The following SYN3 variants were observed in gnomAD, a reference collection of about 807,000 sequenced individuals.
SYN3 encodes synapsin-3.
A neutral mutation model predicts 65.8 loss-of-function variants in SYN3; 35 were observed. The observed-to-expected ratio is 0.53, with a 90% confidence interval of 0.41 to 0.70. The LOEUF (loss-of-function observed/expected upper bound fraction) is 0.70, where lower values mean the gene tolerates loss of function less well. SYN3 is among the 30% of genes least tolerant of loss of function. The pLI is 0.00. For synonymous variants in SYN3, 270 were observed against 292.9 expected (o/e 0.92, Z 0.80); for missense variants, 680 against 749.0 (o/e 0.91, Z 1.08).
intron 6 of SYN3, among the ~76,000 whole-genome samples, chr22:32,714,324 C>A (rs574264722): frequency 6.6e-6 from 1 of 152,308 alleles, no homozygotes; most frequent in African/African-American, 2.4e-5. Flanking sequence ...CTCTGTGGAC[C>A]TCAGTTTCCC....
rs1275139823 is a variant in SYN3, at chr22:32,710,476, CA to C, written c.712-113741del. Reference sequence around the variant, plus strand: ...TGAAACCCTGACTCTACTAAAAATACAAAAAAAGTAGCCAGGCGTGGTGGCA... The same window carrying C: ...TGAAACCCTGACTCTACTAAAAATACAAAAAAGTAGCCAGGCGTGGTGGCA... On this transcript the variant is annotated intron_variant, in intron 6 of 13. Coordinates refer to ENST00000358763, the MANE Select transcript of SYN3 (RefSeq NM_003490.4). 2.0e-5 allele frequency among the ~76,000 whole-genome samples: 3 copies of C among 151,174 alleles called. No homozygotes were observed. In the East Asian group the frequency reaches 5.9e-4, roughly 30 times the overall value.
intron 6 of SYN3, among the ~76,000 whole-genome samples, chr22:32,662,937 A>G (rs552931673): frequency 3.3e-5 from 5 of 152,314 alleles, no homozygotes; most frequent in African/African-American, 1.2e-4. Context: ...AAAAGCAAAC[A>G]ACCAACCAAG....
At chr22:32,959,862 T>C (rs978570191) in intron 3 of SYN3, among the ~76,000 whole-genome samples, 1 of 152,240 alleles carries the variant, frequency 6.6e-6, no homozygotes, top group Admixed American at 6.5e-5. Context: ...TCCAAAGTGC[T>C]GGGATTACAG....
At chr22:32,973,286 A>G (rs2052077728) in intron 3 of SYN3, among the ~76,000 whole-genome samples, 1 of 152,232 alleles carries the variant, frequency 6.6e-6, no homozygotes, top group African/African-American at 2.4e-5. Context: ...AAGGTGCCCA[A>G]GAAACTAGTG....
intron 4 of SYN3, among the ~76,000 whole-genome samples, chr22:32,896,349 G>T (rs1382390348): frequency 6.6e-6 from 1 of 152,122 alleles, no homozygotes; most frequent in Non-Finnish European, 1.5e-5. Context: ...CCAGCTACTC[G>T]GGAGGCTGAG....
intron 7 of SYN3, among the ~76,000 whole-genome samples, chr22:32,587,860 A>C (rs966135010): frequency 6.6e-6 from 1 of 152,152 alleles, no homozygotes; most frequent in Admixed American, 6.5e-5. Flanking sequence ...TTAGAAGGAC[A>C]ACAAACCCTG....
At chr22:32,648,710 A>T (rs1256324399) in intron 6 of SYN3, among the ~76,000 whole-genome samples, 1 of 152,170 alleles carries the variant, frequency 6.6e-6, no homozygotes, top group African/African-American at 2.4e-5. Flanking sequence ...GGAACGTACT[A>T]CCTCTTGAGG....
intron 3 of SYN3, among the ~76,000 whole-genome samples, chr22:32,970,083 C>T (rs1035635162): frequency 1.3e-5 from 2 of 152,140 alleles, no homozygotes; most frequent in Non-Finnish European, 2.9e-5. Flanking sequence ...TGTTTAGTGA[C>T]GTGAAGCTGA....
chr22:32,712,975 T>C (rs1472435450), intron 6 of SYN3, among the ~76,000 whole-genome samples: 1 of 152,222 alleles, frequency 6.6e-6, no homozygotes, highest in African/African-American at 2.4e-5. Flanking sequence ...ATTCATTTGC[T>C]TTTAGATTAT....
At chr22:32,889,579 T>C (rs1199385151) in intron 4 of SYN3, among the ~76,000 whole-genome samples, 1 of 152,196 alleles carries the variant, frequency 6.6e-6, no homozygotes, top group Non-Finnish European at 1.5e-5. Context: ...CGTCAATGTG[T>C]TCCCTCTCAT....
Position 32,508,927 on chromosome 22 carries a change from G to T in SYN3, c.*4765C>A, listed in dbSNP as rs3213514. The stretch of plus-strand genomic sequence containing the variant: ...TTTTATGGGGTTTGCTGCTGTGTTT[G>T]TTACCATGTGAGTGAAGACCTATCA... On this transcript the variant is annotated 3_prime_UTR_variant, in exon 14 of 14. Coordinates refer to ENST00000358763, the MANE Select transcript of SYN3 (RefSeq NM_003490.4). Among the ~76,000 whole-genome samples, 855 of 152,248 alleles carry T rather than the reference G, an allele frequency of 5.6e-3. 19 individuals are homozygous for T. In the East Asian group the frequency reaches 0.068, roughly 12 times the overall value.
At chr22:32,977,551 C>A (rs1601826779) in intron 3 of SYN3, among the ~76,000 whole-genome samples, 3 of 152,126 alleles carry the variant, frequency 2.0e-5, no homozygotes, top group South Asian at 4.2e-4. Context: ...CGAGACCATC[C>A]TGGACAACAT....
intron 4 of SYN3, among the ~76,000 whole-genome samples, chr22:32,872,815 C>T (rs961454856): frequency 2.0e-5 from 3 of 152,204 alleles, no homozygotes; most frequent in Middle Eastern, 3.4e-3. Context: ...CAGTAGTTAC[C>T]GAGCCTCGAC....
chr22:32,912,868 C>T (rs73158385), intron 4 of SYN3, among the ~76,000 whole-genome samples: 24,811 of 152,072 alleles, frequency 0.16, 2,588 homozygotes, highest in Non-Finnish European at 0.23. Flanking sequence ...AGGTGGAATG[C>T]GGGATGTTTA....
intron 5 of SYN3, among the ~76,000 whole-genome samples, chr22:32,867,575 C>G (rs1216261340): frequency 6.6e-6 from 1 of 152,100 alleles, no homozygotes; most frequent in Non-Finnish European, 1.5e-5. Context: ...AGTACTTGAG[C>G]GAGTGGAGGA....
intron 1 of SYN3, among the ~76,000 whole-genome samples, chr22:33,008,924 C>CAAAAAAA (rs201719238): frequency 9.8e-4 from 56 of 57,066 alleles, no homozygotes; most frequent in East Asian, 1.5e-3. Flanking sequence ...GACTTTATCT[C>CAAAAAAA]AAAAAAAAAA....
chr22:32,669,064 G>A, intron 6 of SYN3, among the ~76,000 whole-genome samples: 1 of 152,172 alleles, frequency 6.6e-6, no homozygotes, highest in East Asian at 1.9e-4. Flanking sequence ...ATCCTATGAG[G>A]CAGGTATGTA....
Position 32,513,374 on chromosome 22 carries a change from C to T in SYN3, c.*318G>A, listed in dbSNP as rs2057716204. On this transcript the variant is annotated 3_prime_UTR_variant, in exon 14 of 14. Transcript: ENST00000358763. The stretch of plus-strand genomic sequence containing the variant: ...AGTAAGAATGTGAAAACTAGCCACT[C>T]GCAGACATCTCACTTGGTTATCTGG... 5 of 256,962 alleles carry T rather than the reference C, an allele frequency of 1.9e-5. No individual in the cohort carries two copies. The highest frequency in any genetic ancestry group is 1.8e-4 in the South Asian group (2 of 11,178). 15.9% of individuals were successfully genotyped at this position (256,962 alleles called of 1,614,324 possible). A position where few individuals can be genotyped will look rare whatever the true frequency, so the allele number is the denominator to read the frequency against.
intron 1 of SYN3, among the ~76,000 whole-genome samples, chr22:33,032,437 G>A (rs111648523): frequency 5.2e-4 from 79 of 151,230 alleles, no homozygotes; most frequent in African/African-American, 1.7e-3. Flanking sequence ...CCTGAGAGAC[G>A]AAGGTTGCAA....
Sources: allele counts gnomAD v4.1 joint callset (sites outside exome capture counted in the v4.1 genomes callset), GRCh38; gene constraint gnomAD v4.1.1; transcripts MANE v1.5; gene names NCBI Gene and HGNC (gene_info 2026-07-23, HGNC 2026-07-21).